The following SV2B variants were observed in gnomAD, a reference collection of about 807,000 sequenced individuals.
SV2B encodes synaptic vesicle glycoprotein 2B.
Under a neutral mutation model 73.9 loss-of-function variants are expected in SV2B, and 41 were observed. The observed-to-expected ratio is 0.56, with a 90% CI of 0.43 to 0.72. SV2B has a LOEUF of 0.72. SV2B is among the 30% of genes least tolerant of loss of function. The pLI is 0.00. For missense variants in SV2B, 764 were observed against 857.8 expected (o/e 0.89, Z 1.37); for synonymous variants, 314 against 314.2 (o/e 1.00, Z 0.01).
chr15:91,189,112 A>G (rs1018888947), intron 1 of SV2B, among the ~76,000 whole-genome samples: 1 of 152,102 alleles, frequency 6.6e-6, no homozygotes, highest in African/African-American at 2.4e-5. Context: ...AGGAATGAGC[A>G]CGGCTGTACG....
At position 91,261,715 on chromosome 15, in the gene SV2B, A is replaced by C. The variant is rs1484862103; in HGVS notation, c.1008+1306A>C. Among the ~76,000 whole-genome samples, 1 of 152,116 alleles carries C rather than the reference A, an allele frequency of 6.6e-6. No individual in the cohort carries two copies. Among genetic ancestry groups the C allele is most frequent in the African/African-American group, 2.4e-5 (1 of 41,428 alleles). On this transcript the variant is annotated intron_variant, in intron 6 of 12. Coordinates refer to ENST00000394232, the MANE Select transcript of SV2B (RefSeq NM_001323032.3). The surrounding 1 kb of genome is among the most constrained non-coding windows in gnomAD (Gnocchi z 4.7). ...GGCAATAGAGGACCCATTTCTTTAC[A>C]CCCTTACCATCAGTGGCTATTAGTC...
At position 91,280,617 on chromosome 15, in the gene SV2B, A is replaced by G. The variant is rs192301938; in HGVS notation, c.1374-1111A>G. ...ACAGAGGAAGATGGTAATGTATGTG[A>G]GATACATTTTTAAATGTTGCATTGT... On this transcript the variant is annotated intron_variant, in intron 9 of 12. Transcript: ENST00000394232. This position sits in a 1 kb window ranked among gnomAD's most constrained non-coding sequence, Gnocchi z 5.8. Among the ~76,000 whole-genome samples the G allele has an allele frequency of 1.3e-5, 2 of 152,368 alleles. No homozygotes were observed. Among genetic ancestry groups the G allele is most frequent in the East Asian group, 3.9e-4 (2 of 5,190 alleles).
In SV2B at chr15:91,110,576, T is replaced by C. The variant is rs2042008262; in HGVS notation, c.-392+10213T>C. Among the ~76,000 whole-genome samples, 1 of 152,132 alleles carries C rather than the reference T, an allele frequency of 6.6e-6. No homozygotes were observed. Among genetic ancestry groups the C allele is most frequent in the South Asian group, 2.1e-4 (1 of 4,826 alleles). ...CCGTGGCCTCTCGCCTGATCTGGGG[T>C]GCAGCAGATGGCGCCGAGGAATGGA... On this transcript the variant is annotated intron_variant, in intron 1 of 12. Transcript: ENST00000394232. The surrounding 1 kb of genome is among the most constrained non-coding windows in gnomAD (Gnocchi z 5.4).
rs527597011 is a variant in SV2B at position 91,242,132 on chromosome 15, C to T, written c.452-9687C>T. 7.2e-5 allele frequency among the ~76,000 whole-genome samples: 11 copies of T among 152,182 alleles called. No homozygotes were observed. Among genetic ancestry groups the T allele is most frequent in the East Asian group, 1.9e-4 (1 of 5,194 alleles). On this transcript the variant is annotated intron_variant, in intron 2 of 12. Transcript: ENST00000394232. This position sits in a 1 kb window ranked among gnomAD's most constrained non-coding sequence, Gnocchi z 4.9. ...GTTAGCCACTCTCTCCTCCTTGATG[C>T]GCTTTCTTTATTGGACATCTAAGCT...
At position 91,283,438 on chromosome 15, in the gene SV2B, G is replaced by T. The variant is rs895810538; in HGVS notation, c.1508-583G>T. ...AGGACTGTTATCCAGCTGGAGAGAT[G>T]ATTTTTTTTTTTTTAAAGGCAAGGT... is the stretch of plus-strand genomic sequence containing the variant. On this transcript the variant is annotated intron_variant, in intron 10 of 12. Coordinates refer to ENST00000394232, the MANE Select transcript of SV2B (RefSeq NM_001323032.3). This position sits in a 1 kb window ranked among gnomAD's most constrained non-coding sequence, Gnocchi z 4.3. 6.8e-6 allele frequency among the ~76,000 whole-genome samples: 1 copy of T among 147,732 alleles called. No individual in the cohort carries two copies. The highest frequency in any genetic ancestry group is 2.7e-5 in the African/African-American group (1 of 37,682).
chr15:91,267,624 T>C lies in SV2B; in HGVS notation c.1189T>C (p.Trp397Arg). 1 of 1,612,664 alleles carries C rather than the reference T, an allele frequency of 6.2e-7. No homozygotes were observed. The highest frequency in any genetic ancestry group is 8.5e-7 in the Non-Finnish European group (1 of 1,179,314). Residue 397 changes from tryptophan to arginine, a missense_variant, in exon 8 of 13, where the codon TGG becomes CGG. Trp to Arg is a moderately radical substitution (Grantham distance 101). Transcript: ENST00000394232. This position sits in a 1 kb window ranked among gnomAD's most constrained non-coding sequence, Gnocchi z 4.3. ...GAATACACTGATTCTGGCCGTGGTTTGGTTTGCCATGGCATTCAGGTAAGT... is the reference window on the plus strand; with the variant it reads ...GAATACACTGATTCTGGCCGTGGTTCGGTTTGCCATGGCATTCAGGTAAGT... ...RMNTLILAVVWFAMAFSYYGL... is the reference protein window; with the variant it reads ...RMNTLILAVVRFAMAFSYYGL...
At chr15:91,190,708 G>T (rs2044977069) in intron 1 of SV2B, among the ~76,000 whole-genome samples, 1 of 152,130 alleles carries the variant, frequency 6.6e-6, no homozygotes, top group South Asian at 2.1e-4. Context: ...GTACATTGTA[G>T]GATTTTGCAA....
At chr15:91,230,130 A>G (rs1309723745) in intron 2 of SV2B, among the ~76,000 whole-genome samples, 2 of 151,968 alleles carry the variant, frequency 1.3e-5, no homozygotes, top group Admixed American at 6.6e-5. Context: ...AGTTCCAGCT[A>G]CTTGAGCGGC....
rs532548990 is a variant in SV2B at position 91,140,381 on chromosome 15, G to A, written c.-392+40018G>A. On this transcript the variant is annotated intron_variant, in intron 1 of 12. Coordinates refer to ENST00000394232, the MANE Select transcript of SV2B (RefSeq NM_001323032.3). The surrounding 1 kb of genome is among the most constrained non-coding windows in gnomAD (Gnocchi z 4.4). ...ATAAAAATGCCTTTCAGCATTTTCT[G>A]TCTCAAAAGTCTAGTGCTTCTCCCA... is the stretch of plus-strand genomic sequence containing the variant. 6.6e-6 allele frequency among the ~76,000 whole-genome samples: 1 copy of A among 152,158 alleles called. No individual in the cohort carries two copies. The highest frequency in any genetic ancestry group is 1.5e-5 in the Non-Finnish European group (1 of 68,032).
intron 1 of SV2B, among the ~76,000 whole-genome samples, chr15:91,175,118 T>C (rs28386873): frequency 6.6e-6 from 1 of 152,146 alleles, no homozygotes; most frequent in Non-Finnish European, 1.5e-5. Context: ...TCCAACAAAG[T>C]GTTTGTCAGA....
intron 1 of SV2B, among the ~76,000 whole-genome samples, chr15:91,182,726 G>A (rs968823196): frequency 6.6e-6 from 1 of 152,182 alleles, no homozygotes; most frequent in African/African-American, 2.4e-5. Flanking sequence ...GCACCTCTTT[G>A]AGTCCTTCAT....
intron 6 of SV2B, among the ~76,000 whole-genome samples, chr15:91,260,809 G>A (rs1211287250): frequency 1.3e-5 from 2 of 152,140 alleles, no homozygotes; most frequent in Admixed American, 6.5e-5. Context: ...ACATGGTGGT[G>A]GCAAGAGAAA....
At chr15:91,109,218 G>C (rs1404927175) in intron 1 of SV2B, among the ~76,000 whole-genome samples, 2 of 152,234 alleles carry the variant, frequency 1.3e-5, no homozygotes, top group African/African-American at 4.8e-5. Flanking sequence ...TTTCCTGCCA[G>C]CTCTGCATAG....
intron 1 of SV2B, among the ~76,000 whole-genome samples, chr15:91,173,202 G>A (rs529548998): frequency 6.6e-6 from 1 of 152,300 alleles, no homozygotes; most frequent in South Asian, 2.1e-4. Context: ...AAAGCATGGC[G>A]ACATGCCCTA....
chr15:91,159,033 C>A (rs1487093982), intron 1 of SV2B, among the ~76,000 whole-genome samples: 1 of 151,944 alleles, frequency 6.6e-6, no homozygotes, highest in African/African-American at 2.4e-5. Context: ...GACAGGGTGG[C>A]CGGGCGTGAT....
intron 1 of SV2B, among the ~76,000 whole-genome samples, chr15:91,221,861 C>A (rs193274075): frequency 3.0e-4 from 45 of 152,310 alleles, no homozygotes; most frequent in African/African-American, 9.6e-4. Flanking sequence ...AGTTTAACAA[C>A]CTTCACTGGC....
intron 1 of SV2B, among the ~76,000 whole-genome samples, chr15:91,166,889 C>T (rs1485391094): frequency 6.6e-6 from 1 of 151,376 alleles, no homozygotes; most frequent in East Asian, 1.9e-4. Context: ...TCTCAGCTCA[C>T]TGCAAGCTCC....
At chr15:91,257,074 C>G (rs1330714401) in intron 4 of SV2B, among the ~76,000 whole-genome samples, 1 of 152,144 alleles carries the variant, frequency 6.6e-6, no homozygotes, top group African/African-American at 2.4e-5. Context: ...TTCAGAAATA[C>G]TTTATGGCAT....
At chr15:91,262,733 C>T (rs967139535) in intron 6 of SV2B, among the ~76,000 whole-genome samples, 3 of 152,124 alleles carry the variant, frequency 2.0e-5, no homozygotes, top group Non-Finnish European at 2.9e-5. Context: ...TTAAGAAGCA[C>T]GATGAACAGA....
Sources: allele counts gnomAD v4.1 joint callset (sites outside exome capture counted in the v4.1 genomes callset), GRCh38; gene constraint gnomAD v4.1.1; non-coding constraint Gnocchi (gnomAD v3.1); transcripts MANE v1.5; gene names NCBI Gene and HGNC (gene_info 2026-07-23, HGNC 2026-07-21).